Variants in CSMD1 observed in about 807,000 individuals in gnomAD.
CSMD1 encodes CUB and sushi domain-containing protein 1.
CSMD1 carries 213 observed loss-of-function variants against 417.5 expected under a neutral mutation model. The ratio of observed to expected loss-of-function variants is 0.51; its 90% confidence interval spans 0.46 to 0.57. The LOEUF (loss-of-function observed/expected upper bound fraction) is 0.57. Ranked by LOEUF, CSMD1 falls within the 20% of genes least tolerant of loss-of-function variation. The probability of loss-of-function intolerance (pLI) is 0.00; values close to 1 mark genes in which losing one functional copy is unlikely to be tolerated. For synonymous variants in CSMD1, 2,862 were observed against 1,736.8 expected, an observed-to-expected ratio of 1.65 and a Z score of -16.11; for missense variants, 6,923 against 4,529.7, an observed-to-expected ratio of 1.53 and a Z score of -15.17.
chr8:3,904,728 C>T (rs1584941472), intron 5 of CSMD1, among the ~76,000 whole-genome samples: 1 of 151,322 alleles, frequency 6.6e-6, no homozygotes, highest in East Asian at 1.9e-4. Context: ...CCTCGGCCTC[C>T]CGGGTTCAAG....
rs1811413592 is a variant in CSMD1 at position 3,392,537 on chromosome 8, C to G, written c.2593+3657G>C. 4.6e-5 allele frequency among the ~76,000 whole-genome samples: 7 copies of G among 152,126 alleles called. No individual in the cohort carries two copies. The South Asian group carries it at 1.5e-3, about 32-fold the overall frequency. On this transcript the variant is annotated intron_variant, in intron 17 of 69. Transcript: ENST00000635120. ...ATTGGTTCCTTTAACCCTCCGTGAC[C>G]TCTGCTGGCCTTGGCCCCTTCCCTC...
intron 3 of CSMD1, among the ~76,000 whole-genome samples, chr8:4,180,781 A>G (rs574676901): frequency 1.6e-4 from 25 of 152,258 alleles, no homozygotes; most frequent in Middle Eastern, 3.4e-3. Context: ...TGTTAATCTA[A>G]TATCTGTATG....
intron 26 of CSMD1, among the ~76,000 whole-genome samples, chr8:3,280,905 A>G (rs1044786129): frequency 1.3e-5 from 2 of 152,212 alleles, no homozygotes; most frequent in African/African-American, 4.8e-5. Flanking sequence ...AATCATGAAT[A>G]TATAGAAAAA....
At chr8:4,120,006 G>C (rs182457688) in intron 3 of CSMD1, among the ~76,000 whole-genome samples, 3 of 152,090 alleles carry the variant, frequency 2.0e-5, no homozygotes, top group African/African-American at 7.2e-5. Flanking sequence ...GCACAATAGG[G>C]TGACGGCAGT....
chr8:4,447,789 G>C (rs933003379), intron 2 of CSMD1, among the ~76,000 whole-genome samples: 1 of 152,138 alleles, frequency 6.6e-6, no homozygotes, highest in Admixed American at 6.5e-5. Context: ...AAAAGGAGAA[G>C]AAAATAAACG....
chr8:3,841,507 T>A (rs548889722), intron 5 of CSMD1, among the ~76,000 whole-genome samples: 54 of 152,268 alleles, frequency 3.5e-4, no homozygotes, highest in African/African-American at 1.3e-3. Flanking sequence ...CTTCTATGAT[T>A]TGTGGGGATG....
At chr8:3,236,204 C>A (rs1799145305) in intron 26 of CSMD1, among the ~76,000 whole-genome samples, 1 of 151,992 alleles carries the variant, frequency 6.6e-6, no homozygotes, top group Non-Finnish European at 1.5e-5. Context: ...AGGTGTGAGC[C>A]ACCGCGCCTC....
chr8:3,461,936 C>T (rs1816530971), intron 12 of CSMD1, among the ~76,000 whole-genome samples: 2 of 152,336 alleles, frequency 1.3e-5, no homozygotes, highest in South Asian at 4.1e-4. Flanking sequence ...GCTAAGGAGG[C>T]AGATCCTCAC....
At chr8:4,441,092 AAG>A in intron 2 of CSMD1, among the ~76,000 whole-genome samples, 1 of 46,864 alleles carries the variant, frequency 2.1e-5, no homozygotes, top group East Asian at 1.1e-3. Flanking sequence ...CGTTAATCAA[AAG>A]GTTTTTTTTT....
chr8:4,911,558 T>C (rs1472689879), intron 1 of CSMD1, among the ~76,000 whole-genome samples: 2 of 152,224 alleles, frequency 1.3e-5, no homozygotes, highest in African/African-American at 4.8e-5. Flanking sequence ...TTACTGCTAA[T>C]ACCTGCCCTC....
chr8:3,245,665 C>T (rs1394062591), intron 26 of CSMD1, among the ~76,000 whole-genome samples: 1 of 152,170 alleles, frequency 6.6e-6, no homozygotes. Flanking sequence ...AAAACGGCCT[C>T]CTTTCATAAG....
chr8:4,287,819 A>T (rs1247586631), intron 3 of CSMD1, among the ~76,000 whole-genome samples: 2 of 152,042 alleles, frequency 1.3e-5, no homozygotes, highest in Admixed American at 6.6e-5. Flanking sequence ...TCTGTGGCCC[A>T]CTGAATGCAT....
chr8:3,331,919 T>G (rs1386667413), intron 23 of CSMD1, among the ~76,000 whole-genome samples: 1 of 152,176 alleles, frequency 6.6e-6, no homozygotes, highest in African/African-American at 2.4e-5. Context: ...AGATCATTGT[T>G]GACAGGTGAC....
intron 3 of CSMD1, among the ~76,000 whole-genome samples, chr8:4,166,635 G>A (rs59226494): frequency 6.6e-6 from 1 of 152,162 alleles, no homozygotes; most frequent in African/African-American, 2.4e-5. Context: ...GGGGACAGAA[G>A]ACTGCATATT....
intron 1 of CSMD1, among the ~76,000 whole-genome samples, chr8:4,673,733 A>C (rs1372352252): frequency 6.6e-6 from 1 of 152,206 alleles, no homozygotes; most frequent in East Asian, 1.9e-4. Flanking sequence ...TGACGACATA[A>C]TGCTAAGTGT....
At chr8:3,452,697 T>C (rs1475531149) in intron 12 of CSMD1, among the ~76,000 whole-genome samples, 2 of 152,222 alleles carry the variant, frequency 1.3e-5, no homozygotes, top group Non-Finnish European at 2.9e-5. Flanking sequence ...AGGTTTTTGA[T>C]GTGCTTCTTG....
At chr8:4,195,228 G>A (rs114921546) in intron 3 of CSMD1, among the ~76,000 whole-genome samples, 3 of 152,096 alleles carry the variant, frequency 2.0e-5, no homozygotes, top group Non-Finnish European at 2.9e-5. Context: ...TTCGATTTCA[G>A]GCAGATTTTT....
intron 3 of CSMD1, among the ~76,000 whole-genome samples, chr8:4,398,729 T>C (rs1234883347): frequency 6.6e-6 from 1 of 152,164 alleles, no homozygotes; most frequent in Non-Finnish European, 1.5e-5. Flanking sequence ...TTCAAACAAA[T>C]GCTAACAGAT....
intron 3 of CSMD1, among the ~76,000 whole-genome samples, chr8:4,149,087 C>T (rs1166380865): frequency 6.6e-6 from 1 of 152,034 alleles, no homozygotes; most frequent in Non-Finnish European, 1.5e-5. Flanking sequence ...CCTCAGCCTC[C>T]CAAGTAGCTG....
Sources: allele counts gnomAD v4.1 joint callset (sites outside exome capture counted in the v4.1 genomes callset), GRCh38; gene constraint gnomAD v4.1.1; transcripts MANE v1.5; gene names NCBI Gene and HGNC (gene_info 2026-07-23, HGNC 2026-07-21).